EDN1: variants seen among roughly 807,000 people sequenced by gnomAD.
EDN1 encodes the protein endothelin-1.
Under a neutral mutation model 21.7 loss-of-function variants are expected in EDN1, and 11 were observed. The observed-to-expected ratio is 0.51, with a 90% confidence interval of 0.32 to 0.84. The LOEUF is 0.84. Ranked by LOEUF, EDN1 falls within the 40% of genes least tolerant of loss-of-function variation. The pLI is 0.03. For synonymous variants in EDN1, 85 were observed against 90.6 expected, an observed-to-expected ratio of 0.94 and a Z score of 0.35; for missense variants, 244 against 262.3, an observed-to-expected ratio of 0.93 and a Z score of 0.48.
At chr6:12,252,362 A>G in the EDN1 span, among the ~76,000 whole-genome samples, 3 of 152,246 alleles carry the variant, frequency 2.0e-5, no homozygotes, top group Admixed American at 2.0e-4. Flanking sequence ...AATTTCATAC[A>G]TGATTTGTGT....
chr6:12,243,905 A>G, the EDN1 span, among the ~76,000 whole-genome samples: 3 of 152,118 alleles, frequency 2.0e-5, no homozygotes, highest in African/African-American at 4.8e-5. Flanking sequence ...TTCTTTTTTT[A>G]TTTGTCAATT....
the EDN1 span, among the ~76,000 whole-genome samples, chr6:12,232,363 T>C: frequency 6.6e-6 from 1 of 151,436 alleles, no homozygotes; most frequent in African/African-American, 2.4e-5. Flanking sequence ...TATTGGGTTT[T>C]TTTTTCACCA....
the EDN1 span, among the ~76,000 whole-genome samples, chr6:12,284,461 G>A: frequency 6.6e-5 from 10 of 151,694 alleles, no homozygotes; most frequent in African/African-American, 2.4e-4. Flanking sequence ...GCAGTGAGCC[G>A]TGATTGCACT....
chr6:12,275,015 TTCC>T, the EDN1 span, among the ~76,000 whole-genome samples: 13 of 129,486 alleles, frequency 1.0e-4, no homozygotes, highest in African/African-American at 3.4e-4. Flanking sequence ...CCTTCCTTCC[TTCC>T]TTCTTTTCCC....
At chr6:12,283,806 G>A in the EDN1 span, among the ~76,000 whole-genome samples, 30,787 of 152,110 alleles carry the variant, frequency 0.2, 3,386 homozygotes, top group South Asian at 0.33. Context: ...TGCAAATCCA[G>A]TAACCAAAAC....
chr6:12,291,532 T>A (rs1440590505), intron 1 of EDN1, among the ~76,000 whole-genome samples: 1 of 152,210 alleles, frequency 6.6e-6, no homozygotes, highest in African/African-American at 2.4e-5. Flanking sequence ...CTGGAATGTG[T>A]CTGATCATTT....
At chr6:12,265,206 A>G in the EDN1 span, among the ~76,000 whole-genome samples, 2 of 152,198 alleles carry the variant, frequency 1.3e-5, no homozygotes, top group African/African-American at 2.4e-5. Context: ...GCTTTGTACT[A>G]TACCTGTCCA....
the EDN1 span, among the ~76,000 whole-genome samples, chr6:12,271,454 T>C: frequency 1.3e-5 from 2 of 152,186 alleles, no homozygotes; most frequent in African/African-American, 4.8e-5. Context: ...ATACAAATAT[T>C]CTAGACTTTT....
the EDN1 span, among the ~76,000 whole-genome samples, chr6:12,271,895 T>C: frequency 6.6e-6 from 1 of 152,264 alleles, no homozygotes; most frequent in Admixed American, 6.5e-5. Context: ...CATTTTCTTC[T>C]GGCTTGTAAG....
chr6:12,275,809 G>A, the EDN1 span, among the ~76,000 whole-genome samples: 212 of 151,942 alleles, frequency 1.4e-3, no homozygotes, highest in African/African-American at 5.0e-3. Flanking sequence ...CACCGTGTGT[G>A]TGTGTGTGTG....
chr6:12,251,404 A>C, the EDN1 span, among the ~76,000 whole-genome samples: 1 of 152,224 alleles, frequency 6.6e-6, no homozygotes, highest in African/African-American at 2.4e-5. Flanking sequence ...ATCAAACTTG[A>C]GGTGTCATTC....
At chr6:12,258,630 C>T in the EDN1 span, among the ~76,000 whole-genome samples, 1 of 152,126 alleles carries the variant, frequency 6.6e-6, no homozygotes, top group Admixed American at 6.6e-5. Context: ...CATCTCCTTT[C>T]AACGTGTGTG....
At chr6:12,283,850 T>C in the EDN1 span, among the ~76,000 whole-genome samples, 1 of 152,360 alleles carries the variant, frequency 6.6e-6, no homozygotes, top group African/African-American at 2.4e-5. Flanking sequence ...TTCTTATCCA[T>C]GTGCTGTCCT....
chr6:12,288,897 G>A (rs1762610069), upstream of EDN1, among the ~76,000 whole-genome samples: 1 of 152,222 alleles, frequency 6.6e-6, no homozygotes. Context: ...AACAAAAAGA[G>A]GAGATGGACA....
chr6:12,280,139 A>G, the EDN1 span, among the ~76,000 whole-genome samples: 1 of 152,220 alleles, frequency 6.6e-6, no homozygotes, highest in Non-Finnish European at 1.5e-5. Flanking sequence ...GCTCTGTGAC[A>G]AAATAAGAGA....
upstream of EDN1, among the ~76,000 whole-genome samples, chr6:12,285,443 G>A (rs1344198660): frequency 6.6e-6 from 1 of 152,184 alleles, no homozygotes; most frequent in Non-Finnish European, 1.5e-5. Context: ...TCAGAGACAG[G>A]AATTGAAACA....
chr6:12,250,405 T>G, the EDN1 span, among the ~76,000 whole-genome samples: 1 of 152,210 alleles, frequency 6.6e-6, no homozygotes, highest in Non-Finnish European at 1.5e-5. Flanking sequence ...GATAATTGCC[T>G]TGAAGAAGGT....
the EDN1 span, among the ~76,000 whole-genome samples, chr6:12,243,440 GA>G: frequency 6.6e-6 from 1 of 152,084 alleles, no homozygotes; most frequent in Non-Finnish European, 1.5e-5. Flanking sequence ...TATTATTAAT[GA>G]AAATCCTTGT....
the EDN1 span, among the ~76,000 whole-genome samples, chr6:12,285,311 A>G: frequency 6.6e-6 from 1 of 152,208 alleles, no homozygotes; most frequent in Non-Finnish European, 1.5e-5. Flanking sequence ...TCCGTTAAAA[A>G]CTTTTTGGGA....
Sources: allele counts gnomAD v4.1 joint callset (sites outside exome capture counted in the v4.1 genomes callset), GRCh38; gene constraint gnomAD v4.1.1; transcripts MANE v1.5; gene names NCBI Gene and HGNC (gene_info 2026-07-23, HGNC 2026-07-21).